C10orf67: variants seen among roughly 807,000 people sequenced by gnomAD.
The protein encoded by C10orf67 is chromosome 10 open reading frame 67.
C10orf67 carries 60 observed loss-of-function variants against 35.6 expected under a neutral mutation model. That is an observed-to-expected ratio of 1.68 (90% CI 1.37 to 2.09). The LOEUF is 2.09. Among genes scored for constraint, C10orf67 ranks in the 30% most tolerant of loss-of-function variants. C10orf67 has a pLI of 0.00. For missense variants in C10orf67, 474 were observed against 330.2 expected, an observed-to-expected ratio of 1.44 and a Z score of -3.38; for synonymous variants, 167 against 115.8, an observed-to-expected ratio of 1.44 and a Z score of -2.84.
intron 15 of C10orf67, among the ~76,000 whole-genome samples, chr10:23,223,385 T>C (rs978203470): frequency 6.6e-6 from 1 of 152,298 alleles, no homozygotes; most frequent in East Asian, 1.9e-4. Flanking sequence ...CTGGCATAGA[T>C]TGATTTTCAA....
At chr10:23,237,970 A>T (rs755757230) in intron 13 of C10orf67, among the ~76,000 whole-genome samples, 1 of 152,216 alleles carries the variant, frequency 6.6e-6, no homozygotes, top group African/African-American at 2.4e-5. Flanking sequence ...CTTTCATAGC[A>T]TTTATCCAAA....
intron 1 of C10orf67, among the ~76,000 whole-genome samples, chr10:23,334,531 C>T (rs1845599538): frequency 6.6e-6 from 1 of 152,264 alleles, no homozygotes; most frequent in African/African-American, 2.4e-5. Flanking sequence ...TGGCAACTCC[C>T]CTCTTCTTGC....
At position 23,289,810 on chromosome 10, in the gene C10orf67, A is replaced by G. The variant is rs1282424232; in HGVS notation, c.909+90T>C. The G allele has an allele frequency of 4.5e-6, 3 of 668,286 alleles. No homozygotes were observed. The South Asian group carries it at 5.3e-5, about 12-fold the overall frequency. The allele number at this position is 668,286 out of a possible 1,614,324, so 41.4% of individuals were successfully genotyped here. A position where few individuals can be genotyped will look rare whatever the true frequency, so the allele number is the denominator to read the frequency against. ...ATGTGAATCAACTTTCCTCTATGTC[A>G]TAAGACACTCTGGACACAGTGTTAT... On this transcript the variant is annotated intron_variant, in intron 7 of 15. Transcript: ENST00000636213.
chr10:23,266,447 A>G, intron 9 of C10orf67, 21 bp from the exon 10 acceptor site: 1 of 398,512 alleles, frequency 2.5e-6, no homozygotes, highest in Non-Finnish European at 4.4e-6. Context: ...AAAAGACACA[A>G]CTTTGTTATT....
chr10:23,300,434 A>T (rs1226020384), intron 5 of C10orf67, among the ~76,000 whole-genome samples: 1 of 152,098 alleles, frequency 6.6e-6, no homozygotes, highest in Non-Finnish European at 1.5e-5. Context: ...ATTATAAAAA[A>T]CCGAGGTTGC....
chr10:23,291,041 G>A (rs1843704665), intron 6 of C10orf67, 91 bp downstream of exon 6: 2 of 606,902 alleles, frequency 3.3e-6, no homozygotes, highest in South Asian at 2.1e-5. Flanking sequence ...ATAACCAAAC[G>A]AATGTATGTT....
At chr10:23,322,656 A>G (rs1845005378) in intron 2 of C10orf67, 119 bp from the exon 3 acceptor site, 1 of 628,564 alleles carries the variant, frequency 1.6e-6, no homozygotes, top group South Asian at 2.0e-5. Context: ...CAAAGAGGGG[A>G]GCAACACACA....
intron 8 of C10orf67, among the ~76,000 whole-genome samples, chr10:23,272,931 A>C (rs1010497005): frequency 2.6e-5 from 4 of 152,208 alleles, no homozygotes; most frequent in Non-Finnish European, 5.9e-5. Flanking sequence ...ATCCATAAGC[A>C]CTTCATATTG....
At chr10:23,258,780 T>C (rs1477279938) in intron 10 of C10orf67, among the ~76,000 whole-genome samples, 1 of 152,112 alleles carries the variant, frequency 6.6e-6, no homozygotes, top group Non-Finnish European at 1.5e-5. Flanking sequence ...GACAAGGTTT[T>C]CCCCCAGGAA....
At chr10:23,283,239 A>T (rs1312466087) in intron 7 of C10orf67, among the ~76,000 whole-genome samples, 3 of 152,138 alleles carry the variant, frequency 2.0e-5, no homozygotes, top group Admixed American at 2.0e-4. Flanking sequence ...CAAAAACCCC[A>T]TTCACTGCAG....
At chr10:23,340,644 A>C (rs1428485886) in intron 1 of C10orf67, among the ~76,000 whole-genome samples, 8 of 152,222 alleles carry the variant, frequency 5.3e-5, no homozygotes, top group Admixed American at 5.2e-4. Context: ...TGAATGAGGA[A>C]GATTTATTCT....
chr10:23,210,185 A>C (rs553195642), intron 15 of C10orf67, among the ~76,000 whole-genome samples: 1 of 151,990 alleles, frequency 6.6e-6, no homozygotes, highest in African/African-American at 2.4e-5. Flanking sequence ...GGAGCCAGAG[A>C]AGGAGAGCAA....
At chr10:23,211,517 C>T (rs1033797530) in intron 15 of C10orf67, among the ~76,000 whole-genome samples, 2 of 151,156 alleles carry the variant, frequency 1.3e-5, no homozygotes, top group African/African-American at 4.9e-5. Context: ...GTAACACACA[C>T]TTTTCCAGAG....
chr10:23,320,127 C>A (rs1176235256), intron 4 of C10orf67, among the ~76,000 whole-genome samples: 4 of 152,096 alleles, frequency 2.6e-5, no homozygotes, highest in African/African-American at 9.7e-5. Flanking sequence ...ACTTCACAAG[C>A]AATTACATAA....
At chr10:23,281,944 A>T in intron 8 of C10orf67, 69 bp downstream of exon 8, 1 of 523,028 alleles carries the variant, frequency 1.9e-6, no homozygotes. Flanking sequence ...AATAAAGTTT[A>T]TAAAACTTTC....
intron 2 of C10orf67, among the ~76,000 whole-genome samples, chr10:23,325,994 A>G (rs1297903589): frequency 1.3e-5 from 2 of 152,156 alleles, no homozygotes; most frequent in African/African-American, 4.8e-5. Flanking sequence ...TCAATAAAAA[A>G]TAGAAAGAAG....
At chr10:23,321,639 T>C (rs1489974636) in intron 3 of C10orf67, among the ~76,000 whole-genome samples, 2 of 152,212 alleles carry the variant, frequency 1.3e-5, no homozygotes, top group Non-Finnish European at 2.9e-5. Context: ...TCACGGACAA[T>C]AGGATTTCCA....
intron 4 of C10orf67, among the ~76,000 whole-genome samples, chr10:23,309,888 G>T (rs11013379): frequency 6.6e-6 from 1 of 152,014 alleles, no homozygotes; most frequent in Non-Finnish European, 1.5e-5. Context: ...TCTTTCAGTC[G>T]GTCCTCAAAC....
chr10:23,225,664 G>C (rs750453127), intron 13 of C10orf67, among the ~76,000 whole-genome samples: 1 of 152,124 alleles, frequency 6.6e-6, no homozygotes. Flanking sequence ...AAAATAAAGG[G>C]ACGGAGGAAG....
Sources: allele counts gnomAD v4.1 joint callset (sites outside exome capture counted in the v4.1 genomes callset), GRCh38; gene constraint gnomAD v4.1.1; transcripts MANE v1.5; gene names NCBI Gene and HGNC (gene_info 2026-07-23, HGNC 2026-07-21).